The following PAPPA2 variants were observed in gnomAD, a reference collection of about 807,000 sequenced individuals.
PAPPA2 encodes pappalysin-2.
Under a neutral mutation model 176.4 loss-of-function variants are expected in PAPPA2, and 86 were observed. The ratio of observed to expected loss-of-function variants is 0.49; its 90% CI spans 0.41 to 0.58. The LOEUF is 0.58. Ranked by LOEUF, PAPPA2 falls within the 20% of genes least tolerant of loss-of-function variation. The probability of loss-of-function intolerance (pLI) is 0.00; values close to 1 mark genes in which losing one functional copy is unlikely to be tolerated. For missense variants in PAPPA2, 2,073 were observed against 2,256.9 expected (o/e 0.92, Z 1.65); for synonymous variants, 809 against 852.2 (o/e 0.95, Z 0.88).
chr1:176,841,440 T>G (rs1011816004), intron 22 of PAPPA2, among the ~76,000 whole-genome samples: 1 of 152,038 alleles, frequency 6.6e-6, no homozygotes, highest in Non-Finnish European at 1.5e-5. Flanking sequence ...ACCCCACCCA[T>G]TCTCCTACCC....
At chr1:176,635,292 G>A (rs1201522734) in intron 3 of PAPPA2, among the ~76,000 whole-genome samples, 2 of 152,180 alleles carry the variant, frequency 1.3e-5, no homozygotes, top group Non-Finnish European at 2.9e-5. Context: ...AGTGTTTGAT[G>A]TGGGCTGATA....
intron 3 of PAPPA2, among the ~76,000 whole-genome samples, chr1:176,645,171 T>C (rs1657326249): frequency 1.3e-5 from 2 of 151,796 alleles, no homozygotes; most frequent in Admixed American, 1.3e-4. Flanking sequence ...TACTGATCTT[T>C]CAAACACTAG....
chr1:176,702,799 GAGA>G, intron 9 of PAPPA2, 64 bp downstream of exon 9: 1 of 1,555,522 alleles, frequency 6.4e-7, no homozygotes, highest in Non-Finnish European at 8.7e-7. Context: ...GAGAGAGAGA[GAGA>G]GGGAGGGAGA....
rs1665281427 is a variant in PAPPA2, at chr1:176,793,567, G to A, written c.5028G>A (p.Val1676=). 2 of 1,609,120 alleles carry A rather than the reference G, an allele frequency of 1.2e-6. No individual in the cohort carries two copies. The highest frequency in any genetic ancestry group is 1.1e-5 in the South Asian group (1 of 90,826). Residue 1676 remains valine, a synonymous_variant, in exon 20 of 23, where the codon GTG becomes GTA. Coordinates refer to ENST00000367662, the MANE Select transcript of PAPPA2 (RefSeq NM_020318.3). The part of the protein sequence containing the change: ...KCEQGYGIGA[V]CSPLCVIPPS... ...AAACTTCTGTTCTTTCAGGTGCAGTGTGTTCCCCATTGTGTGTAATCCCCC... is the reference window on the plus strand; with the variant it reads ...AAACTTCTGTTCTTTCAGGTGCAGTATGTTCCCCATTGTGTGTAATCCCCC...
intron 20 of PAPPA2, among the ~76,000 whole-genome samples, chr1:176,794,850 G>A (rs1191170935): frequency 6.6e-6 from 1 of 152,174 alleles, no homozygotes; most frequent in African/African-American, 2.4e-5. Context: ...CATTGCAATG[G>A]TGTCTTCCTC....
intron 1 of PAPPA2, among the ~76,000 whole-genome samples, chr1:176,477,760 A>T (rs1652203482): frequency 7.9e-6 from 1 of 126,508 alleles, no homozygotes; most frequent in African/African-American, 3.7e-5. Flanking sequence ...ATAAATAAAT[A>T]AAAAACATTA....
chr1:176,628,664 C>A (rs1656169600), intron 3 of PAPPA2, among the ~76,000 whole-genome samples: 1 of 152,104 alleles, frequency 6.6e-6, no homozygotes, highest in African/African-American at 2.4e-5. Flanking sequence ...TTGATGAACC[C>A]AAGCAAAGTA....
At chr1:176,770,425 A>T (rs1037127249) in intron 16 of PAPPA2, among the ~76,000 whole-genome samples, 4 of 152,162 alleles carry the variant, frequency 2.6e-5, no homozygotes, top group African/African-American at 9.7e-5. Context: ...TCTTCATCCA[A>T]ACTGCCTCTG....
intron 2 of PAPPA2, among the ~76,000 whole-genome samples, chr1:176,586,416 T>A (rs1261657930): frequency 6.6e-6 from 1 of 152,120 alleles, no homozygotes; most frequent in Admixed American, 6.6e-5. Flanking sequence ...CTGCACCTAT[T>A]GACCCATCCT....
intron 14 of PAPPA2, among the ~76,000 whole-genome samples, chr1:176,755,928 G>A (rs992073437): frequency 6.6e-6 from 1 of 152,074 alleles, no homozygotes; most frequent in Non-Finnish European, 1.5e-5. Flanking sequence ...ATGTTATTAG[G>A]AAAATTATGA....
At chr1:176,634,780 G>A (rs1174978572) in intron 3 of PAPPA2, among the ~76,000 whole-genome samples, 2 of 150,830 alleles carry the variant, frequency 1.3e-5, no homozygotes, top group African/African-American at 2.4e-5. Context: ...AATAGGTGTA[G>A]TTAAAATTTC....
chr1:176,794,261 G>T (rs754322647), intron 20 of PAPPA2, among the ~76,000 whole-genome samples: 4 of 152,134 alleles, frequency 2.6e-5, no homozygotes, highest in Admixed American at 6.5e-5. Context: ...AGGTCCTCCG[G>T]GGTTCAAATA....
chr1:176,590,761 A>C (rs539443167), intron 2 of PAPPA2, among the ~76,000 whole-genome samples: 45 of 152,270 alleles, frequency 3.0e-4, no homozygotes, highest in African/African-American at 1.0e-3. Flanking sequence ...TAGATTGTAG[A>C]ATGTAATTTC....
chr1:176,595,561 C>A lies in PAPPA2; in HGVS notation c.1957C>A (p.Arg653Ser), dbSNP rs370271956. The change falls in exon 3 of 23, where the codon CGC becomes AGC. Residue 653 changes from arginine (R) to serine (S), a missense_variant. By Grantham distance (110) the Arg-to-Ser change is moderately radical (BLOSUM62 -1). Around this residue, in one of 4 missense-constraint regions of PAPPA2, gnomAD observed 1,196 missense variants for 1,330.4 expected, o/e 0.90. Coordinates refer to ENST00000367662, the MANE Select transcript of PAPPA2 (RefSeq NM_020318.3). Reference sequence around the variant, plus strand: ...CTGCGACCCCCAGGTGGCTGATGTGCGCAAGACCTGCTTTGACCCTGACTC... The same window carrying A: ...CTGCGACCCCCAGGTGGCTGATGTGAGCAAGACCTGCTTTGACCCTGACTC... The part of the protein sequence containing the change: ...DCCDPQVADV[R>S]KTCFDPDSPK... 1.9e-6 allele frequency: 3 copies of A among 1,613,622 alleles called. No individual in the cohort carries two copies. Among genetic ancestry groups the A allele is most frequent in the Non-Finnish European group, 2.5e-6 (3 of 1,179,840 alleles).
At chr1:176,586,309 TA>T (rs1653304150) in intron 2 of PAPPA2, among the ~76,000 whole-genome samples, 2 of 152,228 alleles carry the variant, frequency 1.3e-5, no homozygotes. Flanking sequence ...CAGGTAGGAT[TA>T]TTTTTTATTA....
At chr1:176,609,917 T>C (rs547234742) in intron 3 of PAPPA2, among the ~76,000 whole-genome samples, 1 of 152,150 alleles carries the variant, frequency 6.6e-6, no homozygotes, top group Admixed American at 6.5e-5. Context: ...TGATGGGTAA[T>C]CTCAAGAAGA....
chr1:176,629,949 C>T (rs1656250761), intron 3 of PAPPA2, among the ~76,000 whole-genome samples: 1 of 151,920 alleles, frequency 6.6e-6, no homozygotes, highest in Admixed American at 6.6e-5. Context: ...ATCCCAGCTA[C>T]TCTGGAGGCT....
At chr1:176,599,655 A>G (rs953404773) in intron 3 of PAPPA2, among the ~76,000 whole-genome samples, 1 of 151,730 alleles carries the variant, frequency 6.6e-6, no homozygotes, top group African/African-American at 2.4e-5. Context: ...AGCATTTTCA[A>G]AGATAAAAAT....
At chr1:176,690,893 TG>T (rs2102806161) in intron 5 of PAPPA2, 1 of 979,990 alleles carries the variant, frequency 1.0e-6, no homozygotes, top group East Asian at 1.2e-4. Context: ...AGGCTCAGCA[TG>T]TTTTACTGTA....
Sources: allele counts gnomAD v4.1 joint callset (sites outside exome capture counted in the v4.1 genomes callset), GRCh38; gene constraint gnomAD v4.1.1; regional missense constraint gnomAD v4.1.1; transcripts MANE v1.5; gene names NCBI Gene and HGNC (gene_info 2026-07-23, HGNC 2026-07-21).